The following FBXO4 variants were observed in gnomAD, a reference collection of about 807,000 sequenced individuals.
FBXO4 encodes F-box protein 4, also known as F-box only protein 4.
In FBXO4, 36 loss-of-function variants were observed where a neutral mutation model predicts 43.7. That is an observed-to-expected ratio of 0.82 (90% CI 0.63 to 1.09). The LOEUF (loss-of-function observed/expected upper bound fraction) is 1.09, where lower values mean the gene tolerates loss of function less well. FBXO4 is among the 50% of genes least tolerant of loss of function. FBXO4 has a pLI of 0.00. For synonymous variants in FBXO4, 180 were observed against 165.6 expected, an observed-to-expected ratio of 1.09 and a Z score of -0.67; for missense variants, 435 against 474.1, an observed-to-expected ratio of 0.92 and a Z score of 0.77.
the FBXO4 span, among the ~76,000 whole-genome samples, chr5:41,983,699 T>C: frequency 2.8e-4 from 42 of 152,258 alleles, no homozygotes; most frequent in African/African-American, 9.4e-4. Context: ...TTTAAGCCAT[T>C]GCAATTGCTA....
chr5:41,978,202 A>T, the FBXO4 span, among the ~76,000 whole-genome samples: 2 of 152,138 alleles, frequency 1.3e-5, no homozygotes, highest in Non-Finnish European at 2.9e-5. Context: ...TTTGAACTAT[A>T]AGAGCAAGAG....
the FBXO4 span, among the ~76,000 whole-genome samples, chr5:42,007,231 C>A: frequency 1.3e-5 from 2 of 150,970 alleles, no homozygotes; most frequent in Non-Finnish European, 3.0e-5. Flanking sequence ...AGAGTGAGGC[C>A]CTGTCTCTAA....
At chr5:41,929,622 A>C (rs1751614408) in intron 2 of FBXO4, 75 bp from the exon 3 acceptor site, 2 of 1,108,638 alleles carry the variant, frequency 1.8e-6, no homozygotes, top group South Asian at 3.1e-5. Flanking sequence ...GCAAGTACTC[A>C]ATAAATTATA....
the FBXO4 span, among the ~76,000 whole-genome samples, chr5:42,006,904 A>ATATATATATATATATATATATG: frequency 1.4e-5 from 2 of 139,524 alleles, no homozygotes; most frequent in African/African-American, 5.5e-5. Flanking sequence ...ATATATATAT[A>ATATATATATATATATATATATG]TATATATATA....
chr5:42,030,859 C>T, the FBXO4 span, among the ~76,000 whole-genome samples: 3 of 152,022 alleles, frequency 2.0e-5, no homozygotes, highest in Admixed American at 6.6e-5. Context: ...ATAAAAAAAT[C>T]CTCATTGTCA....
chr5:41,962,758 C>G, the FBXO4 span, among the ~76,000 whole-genome samples: 1 of 152,166 alleles, frequency 6.6e-6, no homozygotes, highest in South Asian at 2.1e-4. Context: ...CTCATGAGTA[C>G]TCTGTGAATG....
the FBXO4 span, among the ~76,000 whole-genome samples, chr5:41,979,836 G>A: frequency 1.3e-5 from 2 of 152,130 alleles, no homozygotes; most frequent in African/African-American, 2.4e-5. Flanking sequence ...CTCTCTTATT[G>A]CTAAAGACTT....
At chr5:42,031,544 G>C in the FBXO4 span, among the ~76,000 whole-genome samples, 8 of 151,516 alleles carry the variant, frequency 5.3e-5, no homozygotes, top group African/African-American at 1.7e-4. Flanking sequence ...CACCAACATG[G>C]CACATGTATA....
At chr5:41,991,293 G>A in the FBXO4 span, among the ~76,000 whole-genome samples, 1 of 152,256 alleles carries the variant, frequency 6.6e-6, no homozygotes, top group South Asian at 2.1e-4. Flanking sequence ...TACCAAAGTG[G>A]CAGTTTATTA....
At chr5:42,013,600 C>G in the FBXO4 span, among the ~76,000 whole-genome samples, 1 of 152,214 alleles carries the variant, frequency 6.6e-6, no homozygotes, top group Non-Finnish European at 1.5e-5. Context: ...TTCTCCCTCT[C>G]CATTCTCACT....
At chr5:41,990,324 A>C in the FBXO4 span, among the ~76,000 whole-genome samples, 5 of 152,350 alleles carry the variant, frequency 3.3e-5, no homozygotes, top group East Asian at 9.6e-4. Context: ...GTGGTGGGCA[A>C]TCTATCAGAC....
At chr5:42,005,855 T>C in the FBXO4 span, among the ~76,000 whole-genome samples, 1 of 152,084 alleles carries the variant, frequency 6.6e-6, no homozygotes. Context: ...CCAAGCAAAC[T>C]TTTTAGATTT....
the FBXO4 span, among the ~76,000 whole-genome samples, chr5:41,949,104 A>T: frequency 6.6e-6 from 1 of 152,240 alleles, no homozygotes; most frequent in South Asian, 2.1e-4. Flanking sequence ...CACAGCCTAT[A>T]TCATACTGAA....
intron 3 of FBXO4, among the ~76,000 whole-genome samples, chr5:41,930,892 G>A (rs1171153081): frequency 2.6e-5 from 4 of 152,204 alleles, no homozygotes; most frequent in East Asian, 3.9e-4. Flanking sequence ...TCATGACCTC[G>A]TGATCCGCCC....
the FBXO4 span, among the ~76,000 whole-genome samples, chr5:41,956,346 G>A: frequency 2.6e-5 from 4 of 152,218 alleles, no homozygotes; most frequent in Non-Finnish European, 5.9e-5. Flanking sequence ...ATTAATGACA[G>A]ATTAGAGGTT....
rs780401142 is a variant in FBXO4 at position 41,934,631 on chromosome 5, C to T, written c.898+323C>T. The stretch of plus-strand genomic sequence containing the variant: ...TGCATTCCAAAGTTTGGTACTAGAG[C>T]TATACAATATTTTTTTGCTTTATGC... On this transcript the variant is annotated intron_variant, in intron 5 of 6. Transcript: ENST00000281623. The T allele has an allele frequency of 1.4e-4, 165 of 1,164,120 alleles. 1 individual carries two copies. Among genetic ancestry groups the T allele is most frequent in the Admixed American group, 1.3e-3 (30 of 23,686 alleles). 72.1% of individuals were successfully genotyped at this position (1,164,120 alleles called of 1,614,324 possible).
At chr5:41,982,048 C>T in the FBXO4 span, among the ~76,000 whole-genome samples, 2 of 152,042 alleles carry the variant, frequency 1.3e-5, no homozygotes, top group Non-Finnish European at 2.9e-5. Flanking sequence ...TGGTTTCCAG[C>T]TTCATCCATG....
the FBXO4 span, among the ~76,000 whole-genome samples, chr5:41,982,281 G>T: frequency 6.6e-6 from 1 of 152,006 alleles, no homozygotes; most frequent in African/African-American, 2.4e-5. Flanking sequence ...GGGATGGCTG[G>T]GTCAAATGGT....
chr5:42,038,077 C>T, the FBXO4 span, among the ~76,000 whole-genome samples: 1 of 151,990 alleles, frequency 6.6e-6, no homozygotes, highest in Non-Finnish European at 1.5e-5. Flanking sequence ...ACGGTGTGCC[C>T]GTTAAAAGAG....
Sources: allele counts gnomAD v4.1 joint callset (sites outside exome capture counted in the v4.1 genomes callset), GRCh38; gene constraint gnomAD v4.1.1; transcripts MANE v1.5; gene names NCBI Gene and HGNC (gene_info 2026-07-23, HGNC 2026-07-21).